The following COL6A5 variants were observed in gnomAD, a reference collection of about 807,000 sequenced individuals.
COL6A5 encodes the protein collagen alpha-5(VI) chain.
Under a neutral mutation model 65.6 loss-of-function variants are expected in COL6A5, and 48 were observed. The observed-to-expected ratio is 0.73, with a 90% CI of 0.58 to 0.93. The LOEUF (loss-of-function observed/expected upper bound fraction) is 0.93, where lower values mean the gene tolerates loss of function less well. Ranked by LOEUF, COL6A5 falls within the 40% of genes least tolerant of loss-of-function variation. The pLI is 0.00. For synonymous variants in COL6A5, 291 were observed against 322.8 expected (o/e 0.90, Z 1.05); for missense variants, 914 against 928.3 (o/e 0.98, Z 0.20).
Position 130,450,696 on chromosome 3 carries a change from C to T in COL6A5, c.1333-4759C>T, listed in dbSNP as rs553740363. On this transcript the variant is annotated intron_variant, in intron 4 of 7. Transcript: ENST00000512836. ...TCATCAGAGACAGGTTTTTCAACAG[C>T]GTCTTGTAATTTAGCTAAAAAATCA... 2.6e-5 allele frequency among the ~76,000 whole-genome samples: 4 copies of T among 152,198 alleles called. No individual in the cohort carries two copies. In the South Asian group the frequency reaches 6.2e-4, roughly 24 times the overall value.
exon 6 of COL6A5, chr3:130,469,430 G>C: frequency 6.2e-7 from 1 of 1,612,918 alleles, no homozygotes; most frequent in Non-Finnish European, 8.5e-7. Flanking sequence ...CCACAAGCCA[G>C]ATTGGAACTA....
At chr3:130,392,919 C>T (rs1936450474) in intron 7 of COL6A5, among the ~76,000 whole-genome samples, 1 of 152,154 alleles carries the variant, frequency 6.6e-6, no homozygotes, top group Non-Finnish European at 1.5e-5. Context: ...AGGACCACCC[C>T]AGTTCTTCTG....
chr3:130,357,761 G>A (rs1934970854), intron 1 of COL6A5, among the ~76,000 whole-genome samples: 1 of 152,196 alleles, frequency 6.6e-6, no homozygotes, highest in African/African-American at 2.4e-5. Flanking sequence ...ATTCGGCAAG[G>A]TAAAATTTAG....
At chr3:130,354,509 T>G (rs903378344) in intron 1 of COL6A5, among the ~76,000 whole-genome samples, 1 of 152,202 alleles carries the variant, frequency 6.6e-6, no homozygotes, top group African/African-American at 2.4e-5. Context: ...TAGGGGCTTA[T>G]TAAAAATGCA....
chr3:130,367,993 A>G (rs961414276), intron 1 of COL6A5, among the ~76,000 whole-genome samples: 2 of 152,208 alleles, frequency 1.3e-5, no homozygotes, highest in African/African-American at 4.8e-5. Flanking sequence ...TTCACTTCTC[A>G]GATTCTTTAC....
intron 2 of COL6A5, 49 bp from the exon 3 acceptor site, chr3:130,376,188 C>T (rs9835065): frequency 0.24 from 365,773 of 1,511,996 alleles, 51,011 homozygotes; most frequent in East Asian, 0.56. Flanking sequence ...GTCTAAAATA[C>T]AAAGGTTGAA....
chr3:130,355,885 T>C (rs1339964696), intron 1 of COL6A5, among the ~76,000 whole-genome samples: 1 of 151,986 alleles, frequency 6.6e-6, no homozygotes, highest in African/African-American at 2.4e-5. Flanking sequence ...ACACACTATC[T>C]ACAATAGATA....
At position 130,414,135 on chromosome 3, in the gene COL6A5, T is replaced by G; in HGVS notation, c.4761+4T>G. ...TGAAGGATTACAAGGCCCACAGGTGTGTTGGAATATTTTGTAAATATTGAT... is the reference window on the plus strand; with the variant it reads ...TGAAGGATTACAAGGCCCACAGGTGGGTTGGAATATTTTGTAAATATTGAT... On this transcript the variant is annotated splice_donor_region_variant and intron_variant and NMD_transcript_variant, in intron 22 of 41. Transcript: ENST00000312481. The G allele has an allele frequency of 6.5e-7, 1 of 1,546,206 alleles. No individual in the cohort carries two copies. Among genetic ancestry groups the G allele is most frequent in the South Asian group, 1.2e-5 (1 of 83,876 alleles).
At chr3:130,476,318 A>G (rs1324254067) in intron 7 of COL6A5, among the ~76,000 whole-genome samples, 1 of 152,038 alleles carries the variant, frequency 6.6e-6, no homozygotes, top group African/African-American at 2.4e-5. Flanking sequence ...TTTAACCTTA[A>G]ATGCCTCCTT....
At chr3:130,481,936 T>C (rs1710256052) in intron 7 of COL6A5, among the ~76,000 whole-genome samples, 1 of 152,208 alleles carries the variant, frequency 6.6e-6, no homozygotes, top group Non-Finnish European at 1.5e-5. Flanking sequence ...TCATAGATTC[T>C]AGGTATTAGC....
At chr3:130,372,498 G>T (rs1331387008) in intron 1 of COL6A5, among the ~76,000 whole-genome samples, 2 of 151,752 alleles carry the variant, frequency 1.3e-5, no homozygotes, top group Admixed American at 6.6e-5. Context: ...CCATAAAAAA[G>T]AATTAAGTAC....
intron 3 of COL6A5, among the ~76,000 whole-genome samples, chr3:130,379,070 CGAT>C (rs79470219): frequency 0.27 from 40,234 of 151,178 alleles, 5,949 homozygotes; most frequent in East Asian, 0.49. Context: ...GTAGTGGTGA[CGAT>C]GGTGGTGGTC....
At chr3:130,374,770 A>G (rs1242367173) in intron 2 of COL6A5, among the ~76,000 whole-genome samples, 1 of 152,086 alleles carries the variant, frequency 6.6e-6, no homozygotes, top group African/African-American at 2.4e-5. Flanking sequence ...TTTTAACTGT[A>G]TGAGGCCACT....
At chr3:130,346,919 G>A (rs1164768163) in intron 1 of COL6A5, among the ~76,000 whole-genome samples, 4 of 152,072 alleles carry the variant, frequency 2.6e-5, no homozygotes, top group Non-Finnish European at 5.9e-5. Flanking sequence ...TAAGTTTACA[G>A]TGCTACAATT....
chr3:130,405,255 G>A (rs568508267), intron 13 of COL6A5, among the ~76,000 whole-genome samples: 68 of 152,298 alleles, frequency 4.5e-4, no homozygotes, highest in African/African-American at 1.4e-3. Context: ...CATTAGGGCC[G>A]TAGATGGATT....
At chr3:130,434,757 A>G (rs959852840) in intron 1 of COL6A5, among the ~76,000 whole-genome samples, 1 of 152,200 alleles carries the variant, frequency 6.6e-6, no homozygotes. Context: ...GTCTCTTCAT[A>G]TCCTTTGCTC....
At chr3:130,345,741 G>A (rs1489019316) in exon 1 of COL6A5, 3 of 398,614 alleles carry the variant, frequency 7.5e-6, no homozygotes, top group Admixed American at 4.4e-5. Flanking sequence ...ACGGGTCAGC[G>A]CCGGCTTAAA....
intron 1 of COL6A5, among the ~76,000 whole-genome samples, chr3:130,356,731 T>C (rs1327222002): frequency 2.0e-5 from 3 of 152,084 alleles, no homozygotes; most frequent in Non-Finnish European, 4.4e-5. Context: ...ATGGAAAATC[T>C]CTTGATTTTC....
At chr3:130,400,034 A>AT (rs1410937079) in intron 10 of COL6A5, among the ~76,000 whole-genome samples, 1 of 152,106 alleles carries the variant, frequency 6.6e-6, no homozygotes, top group African/African-American at 2.4e-5. Context: ...AAGTGCTGGG[A>AT]TTACAGGTGT....
Sources: allele counts gnomAD v4.1 joint callset (sites outside exome capture counted in the v4.1 genomes callset), GRCh38; gene constraint gnomAD v4.1.1; transcripts MANE v1.5; gene names NCBI Gene and HGNC (gene_info 2026-07-23, HGNC 2026-07-21).